KLHL1: variants seen among roughly 807,000 people sequenced by gnomAD.
KLHL1 encodes kelch like family member 1, also known as kelch-like protein 1.
A neutral mutation model predicts 77.7 loss-of-function variants in KLHL1; 47 were observed. The observed-to-expected ratio is 0.60, with a 90% CI of 0.48 to 0.77. KLHL1 has a LOEUF of 0.77. Among genes scored for constraint, KLHL1 ranks in the 30% least tolerant of loss-of-function variants. KLHL1 has a pLI of 0.00. For missense variants in KLHL1, 925 were observed against 910.8 expected (o/e 1.02, Z -0.20); for synonymous variants, 360 against 325.2 (o/e 1.11, Z -1.15).
intron 1 of KLHL1, among the ~76,000 whole-genome samples, chr13:70,013,923 C>T (rs1282426668): frequency 6.6e-6 from 1 of 151,974 alleles, no homozygotes. Context: ...TTTATTATAC[C>T]TTAATGTTTA....
chr13:69,862,357 A>G (rs1391889129), intron 5 of KLHL1, among the ~76,000 whole-genome samples: 1 of 152,122 alleles, frequency 6.6e-6, no homozygotes, highest in African/African-American at 2.4e-5. Context: ...AAAATCTTGA[A>G]CTTAGGATTC....
intron 9 of KLHL1, among the ~76,000 whole-genome samples, chr13:69,715,402 C>T (rs1241068082): frequency 1.3e-5 from 2 of 152,108 alleles, no homozygotes; most frequent in Non-Finnish European, 2.9e-5. Context: ...TTGCCTGCTG[C>T]CATATAAGAC....
chr13:69,786,704 A>T (rs987803775), intron 7 of KLHL1, among the ~76,000 whole-genome samples: 1 of 152,218 alleles, frequency 6.6e-6, no homozygotes, highest in African/African-American at 2.4e-5. Flanking sequence ...TTAGGAAAAG[A>T]GTAAGTCAAA....
At chr13:69,788,017 G>T (rs1322296022) in intron 7 of KLHL1, among the ~76,000 whole-genome samples, 1 of 152,236 alleles carries the variant, frequency 6.6e-6, no homozygotes, top group Non-Finnish European at 1.5e-5. Context: ...AACAACAGGT[G>T]CTGGAGAGGA....
At chr13:69,927,038 C>T (rs914806011) in intron 4 of KLHL1, among the ~76,000 whole-genome samples, 84 of 148,356 alleles carry the variant, frequency 5.7e-4, no homozygotes, top group African/African-American at 1.8e-3. Context: ...CAAGAGAATG[C>T]GGTACTGGCA....
intron 6 of KLHL1, among the ~76,000 whole-genome samples, chr13:69,811,583 C>T (rs1163973696): frequency 6.6e-6 from 1 of 152,038 alleles, no homozygotes; most frequent in Admixed American, 6.6e-5. Flanking sequence ...CAAGGATGTT[C>T]ACTATAAATC....
chr13:69,894,498 T>G (rs750818093), intron 4 of KLHL1: 1 of 163,298 alleles, frequency 6.1e-6, no homozygotes, highest in Non-Finnish European at 1.4e-5. Flanking sequence ...ACCACCAAAA[T>G]TTGAGTCATA....
intron 9 of KLHL1, among the ~76,000 whole-genome samples, chr13:69,717,928 A>C (rs1186492828): frequency 1.3e-5 from 2 of 152,268 alleles, no homozygotes; most frequent in African/African-American, 4.8e-5. Context: ...CTCAATGTGT[A>C]TACAGCCATA....
intron 1 of KLHL1, among the ~76,000 whole-genome samples, chr13:70,102,831 T>G (rs1887956357): frequency 6.6e-6 from 1 of 152,198 alleles, no homozygotes; most frequent in East Asian, 1.9e-4. Flanking sequence ...AAGCAAGTTT[T>G]TAATCAATGC....
chr13:70,004,578 T>C (rs1217415232), intron 1 of KLHL1, among the ~76,000 whole-genome samples: 1 of 151,956 alleles, frequency 6.6e-6, no homozygotes, highest in Non-Finnish European at 1.5e-5. Flanking sequence ...TTATTATGAT[T>C]ATAAATGTAA....
chr13:69,874,288 T>C (rs535685416), intron 5 of KLHL1, among the ~76,000 whole-genome samples: 9 of 152,130 alleles, frequency 5.9e-5, no homozygotes, highest in Non-Finnish European at 7.4e-5. Context: ...TATAGTCCTC[T>C]TCCCTTATCT....
chr13:69,799,657 C>T (rs1469159137), intron 6 of KLHL1, among the ~76,000 whole-genome samples: 1 of 152,150 alleles, frequency 6.6e-6, no homozygotes, highest in Admixed American at 6.5e-5. Flanking sequence ...TGTTATCTTA[C>T]AGTTCAGGAG....
At chr13:69,970,651 G>A (rs1172134067) in intron 2 of KLHL1, among the ~76,000 whole-genome samples, 4 of 152,068 alleles carry the variant, frequency 2.6e-5, no homozygotes, top group Non-Finnish European at 4.4e-5. Flanking sequence ...CCTGTGGGTG[G>A]ATCTTAAAGC....
chr13:70,004,972 A>G (rs1885373853), intron 1 of KLHL1, among the ~76,000 whole-genome samples: 1 of 151,652 alleles, frequency 6.6e-6, no homozygotes, highest in Non-Finnish European at 1.5e-5. Flanking sequence ...ATTTTAATTA[A>G]GAAAGTAAAG....
At chr13:69,876,760 T>C (rs772014670) in intron 5 of KLHL1, among the ~76,000 whole-genome samples, 11 of 152,136 alleles carry the variant, frequency 7.2e-5, no homozygotes, top group Non-Finnish European at 1.0e-4. Flanking sequence ...AATACCGGCC[T>C]GGAGCAGTGG....
intron 5 of KLHL1, among the ~76,000 whole-genome samples, chr13:69,859,198 C>CT (rs1880039093): frequency 6.6e-6 from 1 of 151,968 alleles, no homozygotes; most frequent in African/African-American, 2.4e-5. Context: ...GGTGTATCTG[C>CT]TCCCATTCTT....
intron 1 of KLHL1, among the ~76,000 whole-genome samples, chr13:70,063,862 CTTATA>C (rs1340158042): frequency 6.6e-6 from 1 of 151,952 alleles, no homozygotes; most frequent in African/African-American, 2.4e-5. Flanking sequence ...CAAGTTCTTC[CTTATA>C]TTATATTTAT....
chr13:69,744,190 G>A (rs1874105881), intron 7 of KLHL1, among the ~76,000 whole-genome samples: 1 of 152,102 alleles, frequency 6.6e-6, no homozygotes, highest in Non-Finnish European at 1.5e-5. Context: ...TTGGTTACAT[G>A]AAGAGAAAAC....
intron 5 of KLHL1, among the ~76,000 whole-genome samples, chr13:69,859,037 C>T (rs1467791623): frequency 6.6e-6 from 1 of 151,922 alleles, no homozygotes; most frequent in Non-Finnish European, 1.5e-5. Context: ...CCCTAAAGGC[C>T]CTCTTACTCT....
Sources: gnomAD v4.1 joint callset for allele counts (sites outside exome capture counted in the v4.1 genomes callset) on GRCh38, gnomAD v4.1.1 for gene constraint, MANE v1.5 for transcripts, NCBI Gene and HGNC (gene_info 2026-07-23, HGNC 2026-07-21) for gene names.